Variants in SYN3 observed in about 807,000 individuals in gnomAD.
The protein encoded by SYN3 is synapsin III, also known as synapsin-3.
Under a neutral mutation model 65.8 loss-of-function variants are expected in SYN3, and 35 were observed. The ratio of observed to expected loss-of-function variants is 0.53; its 90% confidence interval spans 0.41 to 0.70. SYN3 has a LOEUF of 0.70. SYN3 is among the 30% of genes least tolerant of loss of function. The pLI, the probability that SYN3 is intolerant of heterozygous loss-of-function variation, is 0.00. For synonymous variants in SYN3, 270 were observed against 292.9 expected (o/e 0.92, Z 0.80); for missense variants, 680 against 749.0 (o/e 0.91, Z 1.08).
At chr22:32,810,439 A>G (rs1406169067) in intron 6 of SYN3, among the ~76,000 whole-genome samples, 1 of 150,908 alleles carries the variant, frequency 6.6e-6, no homozygotes, top group African/African-American at 2.4e-5. Context: ...GGGGGTGGGG[A>G]AGGGAAGGAA....
At chr22:32,873,110 C>T (rs987100461) in intron 4 of SYN3, among the ~76,000 whole-genome samples, 1 of 151,982 alleles carries the variant, frequency 6.6e-6, no homozygotes, top group Admixed American at 6.6e-5. Context: ...GCCCCTGCAC[C>T]CGGCTAATTT....
At chr22:32,601,436 C>A (rs1177583608) in intron 6 of SYN3, among the ~76,000 whole-genome samples, 2 of 152,156 alleles carry the variant, frequency 1.3e-5, no homozygotes, top group Non-Finnish European at 2.9e-5. Context: ...CGCCACCACG[C>A]CCGGCTAATA....
At chr22:32,782,982 G>A (rs1006263230) in intron 6 of SYN3, among the ~76,000 whole-genome samples, 5 of 152,218 alleles carry the variant, frequency 3.3e-5, no homozygotes, top group Admixed American at 3.3e-4. Flanking sequence ...TCTCATTGAA[G>A]CTTCCCAGAG....
intron 6 of SYN3, among the ~76,000 whole-genome samples, chr22:32,846,055 A>G (rs12627757): frequency 2.0e-5 from 3 of 152,280 alleles, no homozygotes; most frequent in African/African-American, 7.2e-5. Context: ...GCAGAATGTA[A>G]CTTAATTTTA....
intron 3 of SYN3, among the ~76,000 whole-genome samples, chr22:32,966,813 G>A (rs1375031278): frequency 6.6e-6 from 1 of 152,142 alleles, no homozygotes; most frequent in Non-Finnish European, 1.5e-5. Context: ...CTACCCAGGA[G>A]GCTGAGGTGA....
chr22:32,633,918 C>A (rs756982736), intron 6 of SYN3, among the ~76,000 whole-genome samples: 21 of 152,116 alleles, frequency 1.4e-4, no homozygotes, highest in Admixed American at 8.5e-4. Flanking sequence ...AGCCACCCAA[C>A]CTGGCACAAA....
chr22:32,968,854 C>G (rs1049343817), intron 3 of SYN3, among the ~76,000 whole-genome samples: 1 of 97,596 alleles, frequency 1.0e-5, no homozygotes, highest in African/African-American at 3.0e-5. Context: ...GATAAAGAAC[C>G]CTTTGAGTGT....
intron 2 of SYN3, among the ~76,000 whole-genome samples, chr22:32,988,455 C>T (rs951686742): frequency 1.3e-5 from 2 of 151,964 alleles, no homozygotes; most frequent in African/African-American, 4.8e-5. Context: ...GTAGAAAAGG[C>T]TTCTTTCAAA....
chr22:32,871,634 G>A (rs1242035233), intron 4 of SYN3, among the ~76,000 whole-genome samples: 1 of 151,298 alleles, frequency 6.6e-6, no homozygotes, highest in Non-Finnish European at 1.5e-5. Context: ...TTAGAGACAG[G>A]GTCTCCCTCT....
chr22:32,579,509 A>G (rs2058904295), intron 7 of SYN3, among the ~76,000 whole-genome samples: 1 of 152,192 alleles, frequency 6.6e-6, no homozygotes, highest in East Asian at 1.9e-4. Context: ...TCATGACTTA[A>G]TCACTTCCCA....
At chr22:32,564,908 G>T (rs561503468) in intron 7 of SYN3, among the ~76,000 whole-genome samples, 1 of 148,458 alleles carries the variant, frequency 6.7e-6, no homozygotes, top group Admixed American at 6.7e-5. Flanking sequence ...AGTGCTCCCG[G>T]ATTACACCCA....
intron 6 of SYN3, chr22:32,862,962 G>A (rs2048586909): frequency 2.6e-5 from 4 of 152,652 alleles, no homozygotes; most frequent in Non-Finnish European, 2.9e-5. Context: ...AATGTATATT[G>A]TCTTGTAATG....
intron 2 of SYN3, among the ~76,000 whole-genome samples, chr22:32,984,389 C>A (rs1168304526): frequency 6.6e-6 from 1 of 152,138 alleles, no homozygotes; most frequent in Non-Finnish European, 1.5e-5. Flanking sequence ...CCCACCCACT[C>A]TCCTCTGCAC....
intron 6 of SYN3, among the ~76,000 whole-genome samples, chr22:32,642,741 T>C (rs776199372): frequency 6.6e-5 from 10 of 152,128 alleles, no homozygotes; most frequent in Admixed American, 2.0e-4. Context: ...TTTTTATTTT[T>C]GAGATGGGGG....
chr22:33,027,399 C>A (rs2053656505), intron 1 of SYN3, among the ~76,000 whole-genome samples: 1 of 152,010 alleles, frequency 6.6e-6, no homozygotes, highest in Non-Finnish European at 1.5e-5. Flanking sequence ...GAGTTTGAGA[C>A]CAGCCTGGCC....
chr22:32,678,284 G>A (rs1169456922), intron 6 of SYN3, among the ~76,000 whole-genome samples: 3 of 152,226 alleles, frequency 2.0e-5, no homozygotes, highest in East Asian at 1.9e-4. Flanking sequence ...AGGCACCTGC[G>A]GCCCAGTCCA....
chr22:32,845,205 T>A (rs1288843790), intron 6 of SYN3, among the ~76,000 whole-genome samples: 1 of 147,172 alleles, frequency 6.8e-6, no homozygotes, highest in Non-Finnish European at 1.5e-5. Flanking sequence ...AGCCATAAAC[T>A]TTTTTTTTTT....
intron 1 of SYN3, among the ~76,000 whole-genome samples, chr22:33,037,005 A>G (rs1372283433): frequency 6.6e-6 from 1 of 152,054 alleles, no homozygotes. Context: ...CCAAGTTCCA[A>G]TCACCCCTTT....
intron 6 of SYN3, among the ~76,000 whole-genome samples, chr22:32,609,214 C>G (rs1476013292): frequency 6.6e-6 from 1 of 151,902 alleles, no homozygotes; most frequent in Non-Finnish European, 1.5e-5. Flanking sequence ...GTCCCAGTTA[C>G]TCGGGAGGCT....
Sources: allele counts gnomAD v4.1 joint callset (sites outside exome capture counted in the v4.1 genomes callset), GRCh38; gene constraint gnomAD v4.1.1; transcripts MANE v1.5; gene names NCBI Gene and HGNC (gene_info 2026-07-23, HGNC 2026-07-21).